The following PLD5 variants were observed in gnomAD, a reference collection of about 807,000 sequenced individuals.
PLD5 encodes the protein phospholipase D family member 5, also known as inactive phospholipase D5.
A neutral mutation model predicts 61.1 loss-of-function variants in PLD5; 36 were observed. The ratio of observed to expected loss-of-function variants is 0.59; its 90% CI spans 0.45 to 0.78. The LOEUF is 0.78. PLD5 is among the 30% of genes least tolerant of loss of function. PLD5 has a pLI of 0.00. For missense variants in PLD5, 515 were observed against 644.4 expected (o/e 0.80, Z 2.17); for synonymous variants, 243 against 242.8 (o/e 1.00, Z -0.01).
intron 1 of PLD5, among the ~76,000 whole-genome samples, chr1:242,363,316 T>C (rs927856546): frequency 7.9e-5 from 12 of 151,320 alleles, no homozygotes; most frequent in Non-Finnish European, 1.8e-4. Context: ...CAATTAGCCC[T>C]AGACTCATGG....
rs145959577 is a variant in PLD5, at chr1:242,214,229, A to G, written c.735+5759T>C. ...TTGGAAAAGCAGCAGTTTGGTGGAG[A>G]CCACATAATTCCATCACTCTATCTG... On this transcript the variant is annotated intron_variant, in intron 5 of 9. Coordinates refer to ENST00000536534, the MANE Select transcript of PLD5 (RefSeq NM_001372062.1). Among the ~76,000 whole-genome samples the G allele has an allele frequency of 1.2e-3, 189 of 152,284 alleles. 1 individual carries two copies. In the East Asian group the frequency reaches 0.031, roughly 25 times the overall value.
intron 9 of PLD5, among the ~76,000 whole-genome samples, chr1:242,092,208 C>G (rs1156409425): frequency 6.6e-6 from 1 of 152,000 alleles, no homozygotes; most frequent in African/African-American, 2.4e-5. Context: ...CTCATTGTAG[C>G]CTTGAACTCT....
intron 1 of PLD5, among the ~76,000 whole-genome samples, chr1:242,387,752 A>C (rs959463302): frequency 2.7e-5 from 4 of 148,516 alleles, no homozygotes; most frequent in Non-Finnish European, 5.9e-5. Flanking sequence ...TATGATATAT[A>C]TCAAAATAAA....
At chr1:242,158,708 C>T (rs958909214) in intron 5 of PLD5, among the ~76,000 whole-genome samples, 11 of 152,190 alleles carry the variant, frequency 7.2e-5, no homozygotes, top group African/African-American at 1.4e-4. Flanking sequence ...AGAAATCACC[C>T]GCTTTCTGTG....
intron 5 of PLD5, among the ~76,000 whole-genome samples, chr1:242,180,329 C>T (rs142730842): frequency 3.3e-5 from 5 of 152,002 alleles, no homozygotes; most frequent in African/African-American, 9.6e-5. Context: ...ACATACTGAC[C>T]AGAAATTATT....
intron 2 of PLD5, among the ~76,000 whole-genome samples, chr1:242,312,234 A>AT (rs55943187): frequency 0.65 from 96,591 of 148,568 alleles, 33,394 homozygotes; most frequent in Non-Finnish European, 0.77. Context: ...AACAGGCCAG[A>AT]TTTTTTTTTT....
chr1:242,452,503 G>A (rs1046748299), intron 1 of PLD5, among the ~76,000 whole-genome samples: 2 of 152,116 alleles, frequency 1.3e-5, no homozygotes, highest in South Asian at 4.2e-4. Flanking sequence ...ATAGTAGTTC[G>A]TATACCTTCA....
upstream of PLD5, chr1:242,524,821 C>G (rs1287402351): frequency 6.6e-6 from 1 of 151,602 alleles, no homozygotes; most frequent in Non-Finnish European, 1.5e-5. Context: ...CGCCGCCCCT[C>G]CCGCCGCGCC....
chr1:242,148,061 G>A (rs1377803621), intron 5 of PLD5, among the ~76,000 whole-genome samples: 1 of 151,958 alleles, frequency 6.6e-6, no homozygotes, highest in Non-Finnish European at 1.5e-5. Context: ...TATAGATCAT[G>A]TTTTGAAAAT....
At chr1:242,499,758 G>A (rs1668491824) in intron 1 of PLD5, among the ~76,000 whole-genome samples, 1 of 151,898 alleles carries the variant, frequency 6.6e-6, no homozygotes, top group South Asian at 2.1e-4. Context: ...ATTTTGTTGT[G>A]CTCATGGATT....
At chr1:242,273,437 T>G (rs1674228062) in intron 3 of PLD5, among the ~76,000 whole-genome samples, 1 of 152,224 alleles carries the variant, frequency 6.6e-6, no homozygotes, top group Non-Finnish European at 1.5e-5. Flanking sequence ...TAAAAAGGTT[T>G]AATCCGGCAC....
chr1:242,357,891 G>A (rs1397693464), intron 1 of PLD5, among the ~76,000 whole-genome samples: 1 of 152,076 alleles, frequency 6.6e-6, no homozygotes, highest in Non-Finnish European at 1.5e-5. Context: ...GGCCTCAGTG[G>A]TGTCCCATAA....
intron 6 of PLD5, among the ~76,000 whole-genome samples, chr1:242,119,062 C>T (rs2148718656): frequency 1.3e-5 from 2 of 152,230 alleles, no homozygotes; most frequent in South Asian, 4.1e-4. Context: ...AATACAGATC[C>T]TCTTCAATAT....
chr1:242,254,395 C>A (rs113054973), intron 4 of PLD5, among the ~76,000 whole-genome samples: 1 of 150,848 alleles, frequency 6.6e-6, no homozygotes, highest in African/African-American at 2.4e-5. Flanking sequence ...AAAGGCTGGG[C>A]GTGGTGGCTC....
At chr1:242,360,005 A>T (rs937082080) in intron 1 of PLD5, among the ~76,000 whole-genome samples, 2 of 152,222 alleles carry the variant, frequency 1.3e-5, no homozygotes, top group African/African-American at 4.8e-5. Flanking sequence ...CAAATGTTAG[A>T]TGGAAATTTT....
chr1:242,220,306 TAAAAGAAAAG>T lies in PLD5; in HGVS notation c.608-201_608-192del, dbSNP rs113967982. Among the ~76,000 whole-genome samples the T allele has an allele frequency of 5.9e-3, 887 of 151,226 alleles. 3 individuals carry two copies. The highest frequency in any genetic ancestry group is 9.4e-3 in the Non-Finnish European group (638 of 67,818). Reference sequence around the variant, plus strand: ...TTTTGTTCCCTAAAACAAAGAAAACTAAAAGAAAAGAAAAGAAAAGAAAAGAAAAAGCCAG... The same window carrying T: ...TTTTGTTCCCTAAAACAAAGAAAACTAAAAGAAAAGAAAAGAAAAAGCCAG... On this transcript the variant is annotated intron_variant, in intron 4 of 9. Transcript: ENST00000536534.
At chr1:242,528,281 GTATAAAC>G (rs1669488584), upstream of PLD5, among the ~76,000 whole-genome samples, 1 of 152,168 alleles carries the variant, frequency 6.6e-6, no homozygotes, top group African/African-American at 2.4e-5. Flanking sequence ...AGAAATTTCT[GTATAAAC>G]TATAGAGTCC....
intron 1 of PLD5, among the ~76,000 whole-genome samples, chr1:242,448,960 C>T (rs990216020): frequency 2.6e-5 from 4 of 152,172 alleles, no homozygotes; most frequent in Admixed American, 1.3e-4. Context: ...ATTTTTACCG[C>T]CACACAAACA....
At chr1:242,328,015 C>T (rs1377667914) in intron 2 of PLD5, among the ~76,000 whole-genome samples, 1 of 151,986 alleles carries the variant, frequency 6.6e-6, no homozygotes, top group East Asian at 1.9e-4. Context: ...GTCAAGGCTG[C>T]AGGAAGTCAT....
Sources: gnomAD v4.1 joint callset for allele counts (sites outside exome capture counted in the v4.1 genomes callset) on GRCh38, gnomAD v4.1.1 for gene constraint, MANE v1.5 for transcripts, NCBI Gene and HGNC (gene_info 2026-07-23, HGNC 2026-07-21) for gene names.